The following PARN variants were observed in gnomAD, a reference collection of about 807,000 sequenced individuals.
PARN encodes the protein poly(A)-specific ribonuclease, also known as poly(A)-specific ribonuclease PARN.
A neutral mutation model predicts 102.8 loss-of-function variants in PARN; 71 were observed. The observed-to-expected ratio is 0.69, with a 90% CI of 0.57 to 0.84. The LOEUF (loss-of-function observed/expected upper bound fraction) is 0.84, where lower values mean the gene tolerates loss of function less well. PARN is among the 40% of genes least tolerant of loss of function. The probability of loss-of-function intolerance (pLI) is 0.00; values close to 1 mark genes in which losing one functional copy is unlikely to be tolerated. For missense variants in PARN, 782 were observed against 760.9 expected (o/e 1.03, Z -0.33); for synonymous variants, 261 against 252.9 (o/e 1.03, Z -0.30).
chr16:14,546,873 T>A (rs975550399), intron 21 of PARN, among the ~76,000 whole-genome samples: 1 of 152,006 alleles, frequency 6.6e-6, no homozygotes, highest in Admixed American at 6.6e-5. Context: ...GGTGAGCAGA[T>A]CACGAGGTCA....
chr16:14,534,528 TATA>T (rs1306479431), intron 21 of PARN, among the ~76,000 whole-genome samples: 15 of 152,200 alleles, frequency 9.9e-5, no homozygotes, highest in Admixed American at 3.9e-4. Context: ...AGTGATATTC[TATA>T]ATGAGTTCAT....
At chr16:14,621,260 G>A (rs988224949) in intron 5 of PARN, among the ~76,000 whole-genome samples, 4 of 152,138 alleles carry the variant, frequency 2.6e-5, no homozygotes, top group African/African-American at 9.7e-5. Context: ...CTCTGACAAA[G>A]GCACTGAAAC....
chr16:14,443,340 C>CTTT (rs200799394), intron 23 of PARN, among the ~76,000 whole-genome samples: 1 of 139,076 alleles, frequency 7.2e-6, no homozygotes, highest in African/African-American at 2.6e-5. Context: ...AAAGAGATTA[C>CTTT]TTTTTTTTTT....
intron 18 of PARN, among the ~76,000 whole-genome samples, chr16:14,563,657 T>G (rs1829116156): frequency 2.0e-5 from 3 of 151,602 alleles, no homozygotes; most frequent in Admixed American, 1.3e-4. Flanking sequence ...CACCTCAGCC[T>G]CATAAATGGC....
At chr16:14,511,689 GTATGT>G (rs539733906) in intron 21 of PARN, among the ~76,000 whole-genome samples, 3 of 152,008 alleles carry the variant, frequency 2.0e-5, no homozygotes, top group Non-Finnish European at 4.4e-5. Context: ...CTATGTTATG[GTATGT>G]TATGTTATGT....
chr16:14,593,984 G>A (rs1970356152), intron 12 of PARN, among the ~76,000 whole-genome samples: 1 of 151,420 alleles, frequency 6.6e-6, no homozygotes, highest in Admixed American at 6.6e-5. Context: ...GCAACAGAGT[G>A]AGACCCCGTC....
intron 22 of PARN, among the ~76,000 whole-genome samples, chr16:14,454,283 C>T (rs1157465038): frequency 6.6e-6 from 1 of 152,012 alleles, no homozygotes; most frequent in Admixed American, 6.5e-5. Context: ...GAGTTCAAGA[C>T]CAGCCTGGGC....
intron 18 of PARN, among the ~76,000 whole-genome samples, chr16:14,570,896 G>A (rs1419025955): frequency 6.6e-6 from 1 of 151,628 alleles, no homozygotes; most frequent in Non-Finnish European, 1.5e-5. Flanking sequence ...GAGGCAGAAG[G>A]ATCATTTATG....
chr16:14,622,568 G>T (rs62037482), intron 5 of PARN, among the ~76,000 whole-genome samples: 1 of 152,228 alleles, frequency 6.6e-6, no homozygotes, highest in African/African-American at 2.4e-5. Flanking sequence ...GCAGTGGCGC[G>T]ATCTTGGCTC....
chr16:14,479,722 T>A (rs1192937560), intron 22 of PARN, among the ~76,000 whole-genome samples: 2 of 152,110 alleles, frequency 1.3e-5, no homozygotes, highest in Non-Finnish European at 2.9e-5. Flanking sequence ...CACGATCAGT[T>A]GATTCTTGAC....
At chr16:14,508,962 G>A (rs889350812) in intron 21 of PARN, among the ~76,000 whole-genome samples, 16 of 150,740 alleles carry the variant, frequency 1.1e-4, no homozygotes, top group Non-Finnish European at 5.9e-5. Flanking sequence ...ATTATCCTGA[G>A]AATCCAGAAG....
chr16:14,507,204 T>C (rs1964944079), intron 21 of PARN, among the ~76,000 whole-genome samples: 3 of 152,056 alleles, frequency 2.0e-5, no homozygotes, highest in African/African-American at 7.2e-5. Context: ...TGCATGCCTG[T>C]AATCCCAGCT....
chr16:14,441,700 C>T (rs915159806), intron 23 of PARN, among the ~76,000 whole-genome samples: 2 of 152,238 alleles, frequency 1.3e-5, no homozygotes, highest in Non-Finnish European at 2.9e-5. Flanking sequence ...CAGCAGCCCA[C>T]ACCTCCTTCG....
chr16:14,546,913 T>C (rs1299062664), intron 21 of PARN, among the ~76,000 whole-genome samples: 2 of 151,856 alleles, frequency 1.3e-5, no homozygotes, highest in African/African-American at 4.8e-5. Context: ...ACCAACATGG[T>C]GAACCCTCGT....
chr16:14,547,092 C>CAAA (rs753738742), intron 21 of PARN, among the ~76,000 whole-genome samples: 1 of 91,576 alleles, frequency 1.1e-5, no homozygotes, highest in East Asian at 3.0e-4. Context: ...GACCCTGTCT[C>CAAA]AAAAAAAAAA....
chr16:14,530,649 T>C (rs1330506512), intron 21 of PARN, among the ~76,000 whole-genome samples: 1 of 152,132 alleles, frequency 6.6e-6, no homozygotes, highest in South Asian at 2.1e-4. Flanking sequence ...CACAACCCAG[T>C]GAGGGAGTGC....
intron 3 of PARN, 149 bp downstream of exon 3, chr16:14,628,023 C>CA (rs75279252): frequency 0.016 from 8,219 of 498,952 alleles, 3 homozygotes; most frequent in East Asian, 0.02. Context: ...CAAGACAAAA[C>CA]AAAAAAAAAA....
At chr16:14,598,228 T>C (rs1396332103) in intron 12 of PARN, among the ~76,000 whole-genome samples, 1 of 152,126 alleles carries the variant, frequency 6.6e-6, no homozygotes, top group African/African-American at 2.4e-5. Context: ...GACTCAAAAA[T>C]TTTAAATGTC....
chr16:14,446,727 A>T (rs569545828), intron 23 of PARN, among the ~76,000 whole-genome samples, 161 bp downstream of exon 23: 1 of 152,150 alleles, frequency 6.6e-6, no homozygotes, highest in Non-Finnish European at 1.5e-5. Flanking sequence ...AGGATTCCTC[A>T]AATTAAATTA....
Sources: gnomAD v4.1 joint callset for allele counts (sites outside exome capture counted in the v4.1 genomes callset) on GRCh38, gnomAD v4.1.1 for gene constraint, MANE v1.5 for transcripts, NCBI Gene and HGNC (gene_info 2026-07-23, HGNC 2026-07-21) for gene names.